Variants in TAF12 observed in about 807,000 individuals in gnomAD.
The protein encoded by TAF12 is TATA-box binding protein associated factor 12.
TAF12 carries 3 observed loss-of-function variants against 20.8 expected under a neutral mutation model. The ratio of observed to expected loss-of-function variants is 0.14; its 90% CI spans 0.07 to 0.37. The LOEUF (loss-of-function observed/expected upper bound fraction) is 0.37, where lower values mean the gene tolerates loss of function less well. Among genes scored for constraint, TAF12 ranks in the 10% least tolerant of loss-of-function variants. The pLI, the probability that TAF12 is intolerant of heterozygous loss-of-function variation, is 1.00. For missense variants in TAF12, 131 were observed against 197.9 expected, an observed-to-expected ratio of 0.66 and a Z score of 2.03; for synonymous variants, 69 against 70.2, an observed-to-expected ratio of 0.98 and a Z score of 0.09.
At chr1:28,623,445 C>A (rs945599097) in intron 1 of TAF12, among the ~76,000 whole-genome samples, 2 of 151,418 alleles carry the variant, frequency 1.3e-5, no homozygotes, top group Admixed American at 6.6e-5. Context: ...TGCTTGAACT[C>A]GGGATGCAGA....
chr1:28,633,912 CAAA>C (rs34756071), intron 1 of TAF12, among the ~76,000 whole-genome samples: 4 of 47,504 alleles, frequency 8.4e-5, no homozygotes, highest in Non-Finnish European at 8.5e-5. Context: ...AACTCCATCT[CAAA>C]AAAAAAAAAA....
intron 1 of TAF12, among the ~76,000 whole-genome samples, chr1:28,634,450 A>C (rs1432272213): frequency 6.6e-6 from 1 of 151,508 alleles, no homozygotes; most frequent in Non-Finnish European, 1.5e-5. Flanking sequence ...CACAAAAAAC[A>C]GGCATTAACT....
At chr1:28,607,211 T>C (rs9426286) in intron 4 of TAF12, among the ~76,000 whole-genome samples, 33,634 of 152,230 alleles carry the variant, frequency 0.22, 4,134 homozygotes, top group Middle Eastern at 0.33. Context: ...TGAAACCTTC[T>C]GCTAACAATT....
Position 28,614,214 on chromosome 1 carries a change from G to A in TAF12, c.247-853C>T, listed in dbSNP as rs2124316088. 2.0e-5 allele frequency among the ~76,000 whole-genome samples: 3 copies of A among 152,054 alleles called. No homozygotes were observed. The South Asian group carries it at 6.2e-4, about 31-fold the overall frequency. ...GATCGTGACACTGTACTCCAGCCTGGCGACAGAGCGAGACTCTGTCTCAAA... is the reference window on the plus strand; with the variant it reads ...GATCGTGACACTGTACTCCAGCCTGACGACAGAGCGAGACTCTGTCTCAAA... On this transcript the variant is annotated intron_variant, in intron 3 of 5. Transcript: ENST00000373824.
chr1:28,604,695 C>G (rs1666607379), intron 5 of TAF12, among the ~76,000 whole-genome samples: 1 of 152,174 alleles, frequency 6.6e-6, no homozygotes, highest in African/African-American at 2.4e-5. Flanking sequence ...GGCACTCAAC[C>G]AGGACTGCCC....
At chr1:28,635,408 C>G (rs1427528775) in intron 1 of TAF12, among the ~76,000 whole-genome samples, 1 of 149,666 alleles carries the variant, frequency 6.7e-6, no homozygotes, top group Non-Finnish European at 1.5e-5. Flanking sequence ...TGGGCTCACA[C>G]CATTCTCCTG....
At chr1:28,644,851 G>A (rs1354305235), upstream of TAF12, among the ~76,000 whole-genome samples, 1 of 152,166 alleles carries the variant, frequency 6.6e-6, no homozygotes, top group Non-Finnish European at 1.5e-5. Context: ...GGGGACTTGA[G>A]ATTATATTCA....
chr1:28,622,049 G>A lies in TAF12; in HGVS notation c.33C>T (p.Asn11=), dbSNP rs922441114. Residue 11 remains asparagine, a synonymous_variant, in exon 2 of 6, where the codon AAC becomes AAT. Coordinates refer to ENST00000373824, the MANE Select transcript of TAF12 (RefSeq NM_005644.4). ...GTTTTATGGATGAGAAATTGGAGAG[G>A]TTGATTAGGGCTGAGGGGCCAAACT... The part of the protein sequence containing the change: MNQFGPSALI[N]LSNFSSIKPE... 6 of 1,613,780 alleles carry A rather than the reference G, an allele frequency of 3.7e-6. No individual in the cohort carries two copies. The African/African-American group carries it at 6.7e-5, about 18-fold the overall frequency.
upstream of TAF12, among the ~76,000 whole-genome samples, chr1:28,645,271 G>A (rs1195518182): frequency 2.0e-5 from 3 of 150,200 alleles, no homozygotes; most frequent in African/African-American, 7.3e-5. Flanking sequence ...TCCTGACCTC[G>A]TGATCCGCCT....
At chr1:28,608,344 C>CA (rs367620466) in intron 4 of TAF12, among the ~76,000 whole-genome samples, 15 of 143,486 alleles carry the variant, frequency 1.0e-4, no homozygotes, top group South Asian at 6.6e-4. Flanking sequence ...GGCTCCATCT[C>CA]AAAAAAAAAA....
At position 28,605,426 on chromosome 1, in the gene TAF12, G is replaced by T. The variant is rs1286298669; in HGVS notation, c.396C>A (p.Gly132=). Reference sequence around the variant, plus strand: ...TTTTGTAGGGTCGGATTTCTTCAGAGCCAAATCCTGGGATCCACATGTTCC... The same window carrying T: ...TTTTGTAGGGTCGGATTTCTTCAGATCCAAATCCTGGGATCCACATGTTCC... ...RQWNMWIPGF[G]SEEIRPYKKA... is the part of the protein sequence containing the mutation. Residue 132 remains glycine (G), a synonymous_variant, in exon 5 of 6, where the codon GGC becomes GGA. Coordinates refer to ENST00000373824, the MANE Select transcript of TAF12 (RefSeq NM_005644.4). The T allele has an allele frequency of 1.2e-6, 2 of 1,613,960 alleles. No homozygotes were observed. Among genetic ancestry groups the T allele is most frequent in the African/African-American group, 2.7e-5 (2 of 74,906 alleles).
intron 1 of TAF12, among the ~76,000 whole-genome samples, chr1:28,632,467 G>A (rs1347040652): frequency 1.3e-5 from 2 of 152,088 alleles, no homozygotes; most frequent in Non-Finnish European, 2.9e-5. Flanking sequence ...AGTGTGCAGA[G>A]ATCGCACCAT....
At chr1:28,614,530 A>C (rs1278380565) in intron 3 of TAF12, among the ~76,000 whole-genome samples, 1 of 151,650 alleles carries the variant, frequency 6.6e-6, no homozygotes, top group East Asian at 2.0e-4. Context: ...CTAAAAATAC[A>C]AAATTAGCTG....
chr1:28,626,908 T>C (rs896414052), intron 1 of TAF12, among the ~76,000 whole-genome samples: 7 of 151,834 alleles, frequency 4.6e-5, no homozygotes, highest in South Asian at 2.1e-4. Flanking sequence ...CGAAACTCCA[T>C]CTCAAAAAAA....
Position 28,615,678 on chromosome 1 carries a change from C to CAAAA in TAF12, c.246+2271_246+2274dup, listed in dbSNP as rs57536422. Among the ~76,000 whole-genome samples the CAAAA allele has an allele frequency of 6.4e-3, 222 of 34,546 alleles. 5 individuals carry two copies. The highest frequency in any genetic ancestry group is 0.012 in the East Asian group (8 of 674). 22.7% of individuals were successfully genotyped at this position (34,546 alleles called of 152,430 possible). A position where few individuals can be genotyped will look rare whatever the true frequency, so the allele number is the denominator to read the frequency against. On this transcript the variant is annotated intron_variant, in intron 3 of 5. Transcript: ENST00000373824. ...TGGTCAACAGAGCGAGACTCCGTCT[C>CAAAA]AAAAAAAAAAAAAAAAAAAAAAAAA...
chr1:28,631,045 CAA>C (rs903921514), intron 1 of TAF12, among the ~76,000 whole-genome samples: 18 of 52,942 alleles, frequency 3.4e-4, no homozygotes, highest in African/African-American at 9.0e-4. Context: ...ACTCCGTCTC[CAA>C]AAAAAAAAAA....
intron 1 of TAF12, among the ~76,000 whole-genome samples, chr1:28,637,522 G>A (rs956799997): frequency 7.9e-5 from 12 of 151,824 alleles, no homozygotes; most frequent in African/African-American, 1.9e-4. Flanking sequence ...AAAAATAGCC[G>A]GGCATTGTGG....
At chr1:28,606,501 T>A (rs1004820653) in intron 4 of TAF12, among the ~76,000 whole-genome samples, 14 of 151,976 alleles carry the variant, frequency 9.2e-5, no homozygotes, top group South Asian at 2.1e-4. Flanking sequence ...CTCAAGCACA[T>A]CCTCCTGCCT....
intron 1 of TAF12, among the ~76,000 whole-genome samples, chr1:28,633,900 G>A (rs1288930217): frequency 2.5e-5 from 3 of 120,556 alleles, no homozygotes; most frequent in African/African-American, 6.4e-5. Flanking sequence ...CAATGAAAGC[G>A]AAACTCCATC....
Sources: gnomAD v4.1 joint callset for allele counts (sites outside exome capture counted in the v4.1 genomes callset) on GRCh38, gnomAD v4.1.1 for gene constraint, MANE v1.5 for transcripts, NCBI Gene and HGNC (gene_info 2026-07-23, HGNC 2026-07-21) for gene names.